The following FRMPD4 variants were observed in gnomAD, a reference collection of about 807,000 sequenced individuals.
The protein encoded by FRMPD4 is FERM and PDZ domain-containing protein 4.
A neutral mutation model predicts 94.1 loss-of-function variants in FRMPD4; 22 were observed. The ratio of observed to expected loss-of-function variants is 0.23; its 90% CI spans 0.17 to 0.33. The LOEUF (loss-of-function observed/expected upper bound fraction) is 0.33. Among genes scored for constraint, FRMPD4 ranks in the 10% least tolerant of loss-of-function variants. The pLI, the probability that FRMPD4 is intolerant of heterozygous loss-of-function variation, is 1.00. For missense variants in FRMPD4, 1,111 were observed against 1,339.9 expected (o/e 0.83, Z 2.67); for synonymous variants, 631 against 548.6 (o/e 1.15, Z -2.10).
At chrX:12,114,877 G>A (rs756633234) in intron 3 of FRMPD4, among the ~76,000 whole-genome samples, 1 of 112,387 alleles carries the variant, frequency 8.9e-6, no homozygotes, top group South Asian at 3.7e-4. Flanking sequence ...ATGTTTCCGT[G>A]TATCTATTTG....
intron 3 of FRMPD4, among the ~76,000 whole-genome samples, chrX:11,970,865 T>A (rs1451079070): frequency 1.8e-5 from 2 of 112,020 alleles, no homozygotes; most frequent in Non-Finnish European, 3.8e-5. Context: ...CTCATAGAAG[T>A]TGGATAATTA....
chrX:12,177,988 G>C (rs1230458098), intron 1 of FRMPD4, among the ~76,000 whole-genome samples: 1 of 111,836 alleles, frequency 8.9e-6, no homozygotes, highest in Non-Finnish European at 1.9e-5. Context: ...TGTGTTCTCA[G>C]TGTGTGTGTC....
chrX:12,126,521 A>G (rs1231046640), intron 3 of FRMPD4, among the ~76,000 whole-genome samples: 1 of 111,274 alleles, frequency 9.0e-6, no homozygotes, highest in Non-Finnish European at 1.9e-5. Flanking sequence ...GAAGGGTGAG[A>G]GAGAGGTCCC....
At chrX:12,316,683 G>A (rs1053615235) in intron 1 of FRMPD4, among the ~76,000 whole-genome samples, 5 of 110,323 alleles carry the variant, frequency 4.5e-5, no homozygotes, top group Non-Finnish European at 9.5e-5. Context: ...AGGGTATCCA[G>A]GTAAATCCAC....
intron 3 of FRMPD4, among the ~76,000 whole-genome samples, chrX:11,902,548 A>G (rs1015758651): frequency 3.6e-5 from 4 of 111,726 alleles, no homozygotes; most frequent in Non-Finnish European, 7.5e-5. Context: ...ATCTATTAAT[A>G]AACCTAATTA....
intron 5 of FRMPD4, among the ~76,000 whole-genome samples, chrX:12,678,833 A>C (rs112018100): frequency 8.9e-6 from 1 of 111,887 alleles, no homozygotes; most frequent in Non-Finnish European, 1.9e-5. Context: ...CTCAAAAAAC[A>C]AAAAAGAGTT....
At chrX:12,067,264 G>A (rs1296352578) in intron 3 of FRMPD4, among the ~76,000 whole-genome samples, 3 of 110,912 alleles carry the variant, frequency 2.7e-5, no homozygotes, top group Non-Finnish European at 3.8e-5. Context: ...GATAGCCACC[G>A]CACCTTTGAT....
intron 1 of FRMPD4, among the ~76,000 whole-genome samples, chrX:12,165,371 A>C (rs768928226): frequency 3.6e-5 from 4 of 111,600 alleles, no homozygotes; most frequent in African/African-American, 6.5e-5. Context: ...GACATGCGGC[A>C]TTATTTCTGA....
At chrX:12,469,430 T>G (rs2057485239) in intron 1 of FRMPD4, among the ~76,000 whole-genome samples, 1 of 111,300 alleles carries the variant, frequency 9.0e-6, no homozygotes, top group Non-Finnish European at 1.9e-5. Context: ...TTTGTATGTT[T>G]TAGTAGAGAT....
chrX:12,617,405 T>C (rs2059246564), intron 4 of FRMPD4, among the ~76,000 whole-genome samples: 2 of 112,329 alleles, frequency 1.8e-5, no homozygotes, highest in African/African-American at 6.5e-5. Context: ...CAACAGAAAC[T>C]GTCTGGCTCA....
In FRMPD4 at chrX:12,720,545, C is replaced by T. The variant is rs1159960744; in HGVS notation, c.3976C>T (p.Pro1326Ser). Residue 1326 changes from proline (P) to serine (S), a missense_variant, in exon 17 of 17, where the codon CCT (proline) becomes TCT (serine). Physicochemically the swap from Pro to Ser is moderately conservative, Grantham distance 74. Coordinates refer to ENST00000675598, the MANE Select transcript of FRMPD4 (RefSeq NM_001368397.1). ...KIKETTALTE[P>S]GKERRGGMPS... ...TACCCCTAGTGTAGCTTTGACAGAG[C>T]CTGGGAAGGAGAGACGAGGAGGCAT... 1 of 1,206,921 alleles carries T rather than the reference C, an allele frequency of 8.3e-7. No individual in the cohort carries two copies. Among genetic ancestry groups the T allele is most frequent in the African/African-American group, 1.7e-5 (1 of 57,455 alleles).
At chrX:12,169,354 A>T (rs1397256896) in intron 1 of FRMPD4, among the ~76,000 whole-genome samples, 1 of 112,109 alleles carries the variant, frequency 8.9e-6, no homozygotes, top group Non-Finnish European at 1.9e-5. Flanking sequence ...TGTCATTGGG[A>T]TATATACCAA....
At chrX:12,241,675 T>C (rs760958779) in intron 1 of FRMPD4, among the ~76,000 whole-genome samples, 1 of 111,449 alleles carries the variant, frequency 9.0e-6, no homozygotes, top group South Asian at 3.8e-4. Context: ...CGAGGTAGGA[T>C]GATCACTTGA....
chrX:12,057,513 T>G (rs2054860874), intron 3 of FRMPD4, among the ~76,000 whole-genome samples: 1 of 112,169 alleles, frequency 8.9e-6, no homozygotes, highest in Admixed American at 9.5e-5. Context: ...GAAAATATTT[T>G]AACCATTTTA....
chrX:12,511,269 C>G (rs1227354454), intron 2 of FRMPD4, among the ~76,000 whole-genome samples: 2 of 111,251 alleles, frequency 1.8e-5, no homozygotes, highest in African/African-American at 6.5e-5. Context: ...ATCAAAGTGC[C>G]AAAATAAAAC....
At chrX:12,388,190 A>G (rs963947387) in intron 1 of FRMPD4, among the ~76,000 whole-genome samples, 3 of 111,820 alleles carry the variant, frequency 2.7e-5, no homozygotes, top group African/African-American at 9.8e-5. Flanking sequence ...GGGTCTATAC[A>G]TATGTAAAAA....
chrX:12,143,706 C>T (rs765454522), intron 1 of FRMPD4, among the ~76,000 whole-genome samples: 4 of 112,136 alleles, frequency 3.6e-5, no homozygotes, highest in Non-Finnish European at 5.6e-5. Flanking sequence ...TTATCATTAT[C>T]AGCACACATG....
chrX:12,247,385 C>T (rs1302058029), intron 1 of FRMPD4, among the ~76,000 whole-genome samples: 2 of 111,064 alleles, frequency 1.8e-5, no homozygotes, highest in Non-Finnish European at 3.8e-5. Context: ...AGTAACCCAT[C>T]CCCAAGTTCC....
intron 1 of FRMPD4, among the ~76,000 whole-genome samples, chrX:11,844,712 T>C (rs1251134552): frequency 5.3e-5 from 6 of 112,446 alleles, no homozygotes; most frequent in African/African-American, 1.9e-4. Flanking sequence ...TTTATCTTAC[T>C]TGGAGTTTGT....
Sources: gnomAD v4.1 joint callset for allele counts (sites outside exome capture counted in the v4.1 genomes callset) on GRCh38, gnomAD v4.1.1 for gene constraint, MANE v1.5 for transcripts, NCBI Gene and HGNC (gene_info 2026-07-23, HGNC 2026-07-21) for gene names.